Variants in AAGAB observed in about 807,000 individuals in gnomAD.
The protein encoded by AAGAB is alpha- and gamma-adaptin-binding protein p34.
Under a neutral mutation model 44.1 loss-of-function variants are expected in AAGAB, and 38 were observed. The observed-to-expected ratio is 0.86, with a 90% CI of 0.67 to 1.13. AAGAB has a LOEUF of 1.13. Among genes scored for constraint, AAGAB ranks in the 50% most tolerant of loss-of-function variants. The pLI is 0.00. For synonymous variants in AAGAB, 131 were observed against 131.8 expected (o/e 0.99, Z 0.04); for missense variants, 450 against 373.8 (o/e 1.20, Z -1.68).
At chr15:67,203,813 T>A (rs1356804041) in intron 8 of AAGAB, among the ~76,000 whole-genome samples, 1 of 152,078 alleles carries the variant, frequency 6.6e-6, no homozygotes. Flanking sequence ...ATGTAACACA[T>A]TGAAAGAAAC....
intron 1 of AAGAB, among the ~76,000 whole-genome samples, chr15:67,248,497 C>A (rs1964782334): frequency 6.6e-6 from 1 of 152,180 alleles, no homozygotes; most frequent in Non-Finnish European, 1.5e-5. Flanking sequence ...AGAGTGCACT[C>A]AAAATACTTA....
At chr15:67,211,180 G>A (rs1292334733) in intron 5 of AAGAB, among the ~76,000 whole-genome samples, 2 of 152,220 alleles carry the variant, frequency 1.3e-5, no homozygotes, top group Non-Finnish European at 2.9e-5. Context: ...CGCCACGGAG[G>A]CAGTCATATG....
intron 1 of AAGAB, among the ~76,000 whole-genome samples, chr15:67,250,029 T>G (rs1182082254): frequency 6.6e-6 from 1 of 152,220 alleles, no homozygotes; most frequent in Non-Finnish European, 1.5e-5. Flanking sequence ...AGTTGCTGAG[T>G]TGGCATTACA....
At chr15:67,253,952 TAGTA>T (rs1191399856) in intron 1 of AAGAB, among the ~76,000 whole-genome samples, 1 of 152,120 alleles carries the variant, frequency 6.6e-6, no homozygotes, top group African/African-American at 2.4e-5. Flanking sequence ...TTTTAAGAGT[TAGTA>T]AGTCTGACAG....
At chr15:67,237,911 A>G (rs1047127549) in intron 1 of AAGAB, among the ~76,000 whole-genome samples, 2 of 152,348 alleles carry the variant, frequency 1.3e-5, no homozygotes, top group Middle Eastern at 3.4e-3. Context: ...AGCTAACATT[A>G]TATATTTGAA....
chr15:67,246,314 C>T (rs1184380618), intron 1 of AAGAB, among the ~76,000 whole-genome samples: 3 of 151,694 alleles, frequency 2.0e-5, no homozygotes, highest in Admixed American at 2.0e-4. Flanking sequence ...ATCACTTGAG[C>T]CCGGGAGGCG....
intron 4 of AAGAB, 34 bp downstream of exon 4, chr15:67,235,945 G>C: frequency 7.2e-7 from 1 of 1,396,332 alleles, no homozygotes; most frequent in South Asian, 1.2e-5. Context: ...TCATATCTAA[G>C]TGCCATATTT....
chr15:67,247,463 G>A (rs1456146803), intron 1 of AAGAB, among the ~76,000 whole-genome samples: 2 of 152,178 alleles, frequency 1.3e-5, no homozygotes, highest in African/African-American at 4.8e-5. Flanking sequence ...AAACAAAGCA[G>A]TTAAATGGTC....
chr15:67,204,283 A>G (rs970113502), intron 7 of AAGAB, 135 bp from the exon 8 acceptor site: 4 of 561,596 alleles, frequency 7.1e-6, no homozygotes, highest in Non-Finnish European at 1.2e-5. Context: ...TTTACAGCTC[A>G]TGGCTCACCC....
In AAGAB at chr15:67,231,898, C is replaced by G. The variant is rs779092857; in HGVS notation, c.452-1G>C. On this transcript the variant is annotated splice_acceptor_variant, in intron 4 of 9. Transcript: ENST00000261880. LOFTEE classifies it high-confidence loss of function. ...ACTCCTGTAGATTCTGGGAAGTCATCTAATCAGGGAGGGGAAATATATATA... is the reference window on the plus strand; with the variant it reads ...ACTCCTGTAGATTCTGGGAAGTCATGTAATCAGGGAGGGGAAATATATATA... The G allele has an allele frequency of 3.1e-6, 5 of 1,603,186 alleles. No homozygotes were observed. The highest frequency in any genetic ancestry group is 3.4e-6 in the Non-Finnish European group (4 of 1,170,676).
At chr15:67,237,878 A>G (rs892656884) in intron 1 of AAGAB, among the ~76,000 whole-genome samples, 1 of 152,222 alleles carries the variant, frequency 6.6e-6, no homozygotes, top group African/African-American at 2.4e-5. Context: ...ACTGAAAACT[A>G]GAAATTAAAT....
At chr15:67,212,127 C>T (rs1056547076) in intron 5 of AAGAB, among the ~76,000 whole-genome samples, 4 of 152,122 alleles carry the variant, frequency 2.6e-5, no homozygotes, top group African/African-American at 4.8e-5. Flanking sequence ...GTGATGCGCC[C>T]GCCTTGGCCT....
intron 1 of AAGAB, among the ~76,000 whole-genome samples, chr15:67,237,308 A>T (rs1228861960): frequency 6.6e-6 from 1 of 152,238 alleles, no homozygotes; most frequent in Admixed American, 6.5e-5. Flanking sequence ...CTGAATGCTT[A>T]GACATTAATT....
intron 5 of AAGAB, among the ~76,000 whole-genome samples, chr15:67,214,963 A>G (rs1170230286): frequency 3.3e-5 from 5 of 151,936 alleles, no homozygotes; most frequent in African/African-American, 1.2e-4. Flanking sequence ...AGTAAGGACT[A>G]TAACAAAGAT....
At chr15:67,217,902 A>G (rs954229771) in intron 5 of AAGAB, among the ~76,000 whole-genome samples, 1 of 152,200 alleles carries the variant, frequency 6.6e-6, no homozygotes, top group African/African-American at 2.4e-5. Context: ...GGAATCTGAG[A>G]TTTCTGCCAT....
At chr15:67,212,861 T>C (rs878996019) in intron 5 of AAGAB, among the ~76,000 whole-genome samples, 1 of 152,254 alleles carries the variant, frequency 6.6e-6, no homozygotes, top group Non-Finnish European at 1.5e-5. Context: ...ATTCTTCTCA[T>C]AGAAAAGAAT....
chr15:67,208,732 C>T, intron 6 of AAGAB, 74 bp from the exon 7 acceptor site: 1 of 1,312,372 alleles, frequency 7.6e-7, no homozygotes, highest in Non-Finnish European at 1.1e-6. Flanking sequence ...AAAGCTCACA[C>T]TTTCAGTCCT....
Position 67,204,144 on chromosome 15 carries a change from G to A in AAGAB, c.720C>T (p.Pro240=). 6.3e-7 allele frequency: 1 copy of A among 1,592,488 alleles called. No individual in the cohort carries two copies. Among genetic ancestry groups the A allele is most frequent in the South Asian group, 1.1e-5 (1 of 90,240 alleles). Residue 240 remains proline (P), a synonymous_variant, in exon 8 of 10, where the codon CCC becomes CCT. Transcript: ENST00000261880. ...TDAQVDSIVD[P]MLDLDIQELA... The stretch of plus-strand genomic sequence containing the variant: ...ATTCTTGAATATCCAGATCTAACAT[G>A]GGATCTGAAATAGGGATTTGTCACA...
In AAGAB at chr15:67,236,011, T is replaced by G; in HGVS notation, c.419A>C (p.Glu140Ala). The G allele has an allele frequency of 1.2e-6, 2 of 1,613,588 alleles. No individual in the cohort carries two copies. The highest frequency in any genetic ancestry group is 1.7e-6 in the Non-Finnish European group (2 of 1,179,740). ...CTCAGGCAACTCCTCTGGACTAAGT[T>G]CTACCAATTCAAAGCCATGTTTGAT... is the stretch of plus-strand genomic sequence containing the variant. ...WCIKHGFELV[E>A]LSPEELPEED... Residue 140 changes from glutamate (E) to alanine (A), a missense_variant, in exon 4 of 10, where the codon GAA (glutamate) becomes GCA (alanine). Transcript: ENST00000261880.
Sources: allele counts gnomAD v4.1 joint callset (sites outside exome capture counted in the v4.1 genomes callset), GRCh38; gene constraint gnomAD v4.1.1; transcripts MANE v1.5; gene names NCBI Gene and HGNC (gene_info 2026-07-23, HGNC 2026-07-21).